DGKB: variants seen among roughly 807,000 people sequenced by gnomAD.
DGKB encodes 90 kDa diacylglycerol kinase.
DGKB carries 67 observed loss-of-function variants against 114.3 expected under a neutral mutation model. The observed-to-expected ratio is 0.59, with a 90% CI of 0.48 to 0.72. DGKB has a LOEUF of 0.72. Ranked by LOEUF, DGKB falls within the 30% of genes least tolerant of loss-of-function variation. The pLI is 0.00. For synonymous variants in DGKB, 398 were observed against 323.1 expected, an observed-to-expected ratio of 1.23 and a Z score of -2.49; for missense variants, 907 against 975.2, an observed-to-expected ratio of 0.93 and a Z score of 0.93.
intron 21 of DGKB, among the ~76,000 whole-genome samples, chr7:14,425,873 T>C (rs1040581657): frequency 5.3e-5 from 8 of 152,144 alleles, no homozygotes; most frequent in African/African-American, 1.7e-4. Context: ...TAAGTCAGTA[T>C]TACAGCAGTA....
Position 14,535,411 on chromosome 7 carries a change from A to G in DGKB, c.1770+38801T>C, listed in dbSNP as rs570088255. Among the ~76,000 whole-genome samples, 5 of 151,606 alleles carry G rather than the reference A, an allele frequency of 3.3e-5. No homozygotes were observed. The South Asian group carries it at 1.0e-3, about 32-fold the overall frequency. On this transcript the variant is annotated intron_variant, in intron 20 of 25. Transcript: ENST00000402815. Reference sequence around the variant, plus strand: ...AAAAAAAAAGAAAGAAAGAAAGAAAAATTAAAAAGAAGAAGTATCTCAAAT... The same window carrying G: ...AAAAAAAAAGAAAGAAAGAAAGAAAGATTAAAAAGAAGAAGTATCTCAAAT...
chr7:14,342,743 A>C (rs1811814737), intron 22 of DGKB, among the ~76,000 whole-genome samples: 1 of 151,938 alleles, frequency 6.6e-6, no homozygotes, highest in African/African-American at 2.4e-5. Flanking sequence ...ATTGTTTAGC[A>C]TCACCTGTGA....
At chr7:14,480,662 G>T (rs762034815) in intron 20 of DGKB, among the ~76,000 whole-genome samples, 2 of 152,036 alleles carry the variant, frequency 1.3e-5, no homozygotes, top group African/African-American at 2.4e-5. Flanking sequence ...AAATAAATCA[G>T]CATTACTTCC....
At chr7:14,279,773 C>T (rs937603153) in intron 23 of DGKB, among the ~76,000 whole-genome samples, 1 of 149,890 alleles carries the variant, frequency 6.7e-6, no homozygotes, top group Non-Finnish European at 1.5e-5. Context: ...CTGCAGGGTA[C>T]TCCAACAGAC....
intron 23 of DGKB, among the ~76,000 whole-genome samples, chr7:14,284,939 C>A (rs1304575611): frequency 6.6e-6 from 1 of 150,840 alleles, no homozygotes; most frequent in Non-Finnish European, 1.5e-5. Flanking sequence ...TGAAGCACAC[C>A]AGCATGGCAC....
chr7:14,791,031 A>G (rs1308021427), intron 2 of DGKB, among the ~76,000 whole-genome samples: 1 of 152,070 alleles, frequency 6.6e-6, no homozygotes, highest in Admixed American at 6.6e-5. Flanking sequence ...GGGTCTCACT[A>G]TGTTGCCCAA....
chr7:14,620,875 A>C (rs925235514), intron 15 of DGKB, among the ~76,000 whole-genome samples: 4 of 151,686 alleles, frequency 2.6e-5, no homozygotes, highest in African/African-American at 9.7e-5. Context: ...TTTTGACTTA[A>C]AATTTTGACT....
chr7:14,847,277 C>G (rs1396397912), intron 1 of DGKB, among the ~76,000 whole-genome samples: 1 of 126,706 alleles, frequency 7.9e-6, no homozygotes, highest in East Asian at 2.2e-4. Flanking sequence ...GGCGACAGAG[C>G]GAGACTCCGT....
intron 14 of DGKB, among the ~76,000 whole-genome samples, chr7:14,626,050 G>A (rs953604): frequency 0.31 from 46,579 of 151,802 alleles, 7,525 homozygotes; most frequent in East Asian, 0.68. Flanking sequence ...AAATAGAAAG[G>A]TGAAATGAAT....
rs543133914 is a variant in DGKB, at chr7:14,793,781, C to T, written c.71-36050G>A. Among the ~76,000 whole-genome samples, 211 of 151,832 alleles carry T rather than the reference C, an allele frequency of 1.4e-3. 2 individuals are homozygous for T. Among genetic ancestry groups the T allele is most frequent in the East Asian group, 4.5e-3 (23 of 5,156 alleles). On this transcript the variant is annotated intron_variant, in intron 2 of 25. Coordinates refer to ENST00000402815, the MANE Select transcript of DGKB (RefSeq NM_001350709.2). ...CTGGCCATGGAATACCCAGATTAAG[C>T]GTTATTTTTGGGTGTCTCTGTGGGG...
intron 16 of DGKB, among the ~76,000 whole-genome samples, chr7:14,611,004 C>A (rs1183776943): frequency 6.6e-6 from 1 of 152,112 alleles, no homozygotes; most frequent in Non-Finnish European, 1.5e-5. Flanking sequence ...TCTCTCTCAT[C>A]TTTCCCCTCT....
chr7:14,313,313 C>A (rs754106268), intron 23 of DGKB, among the ~76,000 whole-genome samples: 10 of 152,122 alleles, frequency 6.6e-5, no homozygotes, highest in Non-Finnish European at 1.3e-4. Context: ...CAGCTCCCAG[C>A]CTGAGCGACG....
At chr7:14,784,210 T>C (rs1006797442) in intron 2 of DGKB, among the ~76,000 whole-genome samples, 5 of 152,136 alleles carry the variant, frequency 3.3e-5, no homozygotes, top group Non-Finnish European at 7.3e-5. Context: ...TTTTGTTCTT[T>C]TACTTTACTG....
At chr7:14,600,828 C>T (rs1803408218) in intron 17 of DGKB, among the ~76,000 whole-genome samples, 1 of 152,200 alleles carries the variant, frequency 6.6e-6, no homozygotes, top group African/African-American at 2.4e-5. Context: ...CCGAAACCCC[C>T]ATTCCTTCCA....
chr7:14,945,844 C>T (rs1163868207), intron 1 of DGKB, among the ~76,000 whole-genome samples: 1 of 151,624 alleles, frequency 6.6e-6, no homozygotes, highest in East Asian at 1.9e-4. Context: ...TACTTATCAA[C>T]ATCATATGAT....
chr7:14,926,758 G>T (rs1784773759), intron 1 of DGKB, among the ~76,000 whole-genome samples: 1 of 151,552 alleles, frequency 6.6e-6, no homozygotes, highest in Non-Finnish European at 1.5e-5. Context: ...AAGTGAATCT[G>T]GTATTAATTA....
intron 2 of DGKB, among the ~76,000 whole-genome samples, chr7:14,761,359 A>G (rs1265523004): frequency 6.6e-6 from 1 of 152,180 alleles, no homozygotes; most frequent in Non-Finnish European, 1.5e-5. Context: ...GGACACCCAA[A>G]TTGCACTAGG....
intron 23 of DGKB, among the ~76,000 whole-genome samples, chr7:14,238,018 G>A (rs1793064999): frequency 1.3e-5 from 2 of 151,862 alleles, no homozygotes; most frequent in Non-Finnish European, 2.9e-5. Context: ...TATTAGATTG[G>A]TGTTTCCTAT....
chr7:14,892,825 G>A lies in DGKB; in HGVS notation c.-188+9767C>T, dbSNP rs1244683411. On this transcript the variant is annotated intron_variant, in intron 1 of 25. Coordinates refer to ENST00000402815, the MANE Select transcript of DGKB (RefSeq NM_001350709.2). ...TCTCTGCTTTTTCTTTATAGGCAGTGTACATTCTGGTCAAAGTCAACTAAT... is the reference window on the plus strand; with the variant it reads ...TCTCTGCTTTTTCTTTATAGGCAGTATACATTCTGGTCAAAGTCAACTAAT... Among the ~76,000 whole-genome samples, 3 of 150,218 alleles carry A rather than the reference G, an allele frequency of 2.0e-5. No individual in the cohort carries two copies. The South Asian group carries it at 6.2e-4, about 31-fold the overall frequency.
Sources: gnomAD v4.1 joint callset for allele counts (sites outside exome capture counted in the v4.1 genomes callset) on GRCh38, gnomAD v4.1.1 for gene constraint, MANE v1.5 for transcripts, NCBI Gene and HGNC (gene_info 2026-07-23, HGNC 2026-07-21) for gene names.